Variants in TBC1D32 observed in about 807,000 individuals in gnomAD.
TBC1D32 encodes TBC1 domain family member 32.
A neutral mutation model predicts 170.3 loss-of-function variants in TBC1D32; 151 were observed. The ratio of observed to expected loss-of-function variants is 0.89; its 90% CI spans 0.78 to 1.01. The LOEUF (loss-of-function observed/expected upper bound fraction) is 1.01. Ranked by LOEUF, TBC1D32 falls within the 50% of genes least tolerant of loss-of-function variation. TBC1D32 has a pLI of 0.00. For missense variants in TBC1D32, 1,464 were observed against 1,457.1 expected (o/e 1.00, Z -0.08); for synonymous variants, 498 against 488.0 (o/e 1.02, Z -0.27).
chr6:121,153,260 C>T (rs58331411), intron 24 of TBC1D32, among the ~76,000 whole-genome samples: 1,890 of 152,280 alleles, frequency 0.012, 37 homozygotes, highest in African/African-American at 0.043. Context: ...CTCTTCTGCA[C>T]ATCTGCTGGA....
chr6:121,134,163 G>T (rs1781754445), intron 24 of TBC1D32, among the ~76,000 whole-genome samples: 1 of 152,040 alleles, frequency 6.6e-6, no homozygotes, highest in African/African-American at 2.4e-5. Flanking sequence ...TGATTGCAAA[G>T]ATAATGCAGT....
Position 121,131,627 on chromosome 6 carries a change from C to T in TBC1D32, c.2899G>A (p.Ala967Thr), listed in dbSNP as rs757613099. 7 of 1,608,806 alleles carry T rather than the reference C, an allele frequency of 4.4e-6. No individual in the cohort carries two copies. Among genetic ancestry groups the T allele is most frequent in the Non-Finnish European group, 5.1e-6 (6 of 1,177,368 alleles). Residue 967 changes from alanine (A) to threonine (T), a missense_variant and splice_region_variant, in exon 25 of 32, where the codon GCC (alanine) becomes ACC (threonine). By Grantham distance (58) the Ala-to-Thr change is moderately conservative (BLOSUM62 0). Coordinates refer to ENST00000398212, the MANE Select transcript of TBC1D32 (RefSeq NM_152730.6). ...KAKPDIISGE[A>T]LIELLEKFVL... is the part of the protein sequence containing the mutation. ...CCCACAATGGAAACAATGTACTTAC[C>T]CTCTCCACTGATTATATCAGGTTTG...
intron 15 of TBC1D32, among the ~76,000 whole-genome samples, chr6:121,261,452 T>A (rs963667821): frequency 4.6e-5 from 7 of 152,134 alleles, no homozygotes; most frequent in African/African-American, 1.7e-4. Context: ...TCCAGCCTCC[T>A]CAGGTGACAT....
At chr6:121,186,107 G>C (rs1789175953) in intron 22 of TBC1D32, among the ~76,000 whole-genome samples, 1 of 152,142 alleles carries the variant, frequency 6.6e-6, no homozygotes, top group South Asian at 2.1e-4. Flanking sequence ...TGATGGTTTA[G>C]AGATCTTATT....
intron 15 of TBC1D32, among the ~76,000 whole-genome samples, chr6:121,263,985 A>G (rs1304421783): frequency 2.0e-5 from 3 of 152,168 alleles, no homozygotes; most frequent in Non-Finnish European, 2.9e-5. Flanking sequence ...TCAGGAAGCT[A>G]GAAAGATCTC....
intron 31 of TBC1D32, among the ~76,000 whole-genome samples, chr6:121,084,896 T>A (rs1349784035): frequency 6.6e-6 from 1 of 152,046 alleles, no homozygotes; most frequent in Admixed American, 6.6e-5. Flanking sequence ...ATTAATGCCC[T>A]TGCAAAATGA....
chr6:121,253,588 G>A (rs1244885959), intron 17 of TBC1D32, among the ~76,000 whole-genome samples: 1 of 152,036 alleles, frequency 6.6e-6, no homozygotes, highest in African/African-American at 2.4e-5. Flanking sequence ...GCGTGGTGGT[G>A]GGCGCCTGTA....
chr6:121,281,311 A>T (rs1240945725), intron 14 of TBC1D32, among the ~76,000 whole-genome samples: 1 of 145,186 alleles, frequency 6.9e-6, no homozygotes, highest in Non-Finnish European at 1.5e-5. Flanking sequence ...GATCTAGTCC[A>T]ATTAAAAAAA....
intron 20 of TBC1D32, among the ~76,000 whole-genome samples, chr6:121,223,921 G>C (rs962343812): frequency 5.3e-5 from 8 of 152,026 alleles, no homozygotes; most frequent in South Asian, 4.1e-4. Flanking sequence ...CACTCTCATT[G>C]CATCTTATTA....
intron 24 of TBC1D32, among the ~76,000 whole-genome samples, chr6:121,134,168 T>C (rs1195649969): frequency 4.6e-5 from 7 of 152,100 alleles, no homozygotes; most frequent in Admixed American, 4.6e-4. Context: ...GCAAAGATAA[T>C]GCAGTTTTTT....
intron 22 of TBC1D32, among the ~76,000 whole-genome samples, chr6:121,169,926 T>C (rs1786716736): frequency 6.6e-6 from 1 of 152,116 alleles, no homozygotes; most frequent in Non-Finnish European, 1.5e-5. Flanking sequence ...ATTTTGGAAA[T>C]AATCAGAATT....
chr6:121,296,204 A>G (rs949999037), intron 10 of TBC1D32, among the ~76,000 whole-genome samples: 3 of 152,138 alleles, frequency 2.0e-5, no homozygotes, highest in Non-Finnish European at 4.4e-5. Flanking sequence ...TTATACTTTC[A>G]TATCTTCCAT....
chr6:121,280,013 A>G (rs1802765064), intron 14 of TBC1D32, among the ~76,000 whole-genome samples: 1 of 152,064 alleles, frequency 6.6e-6, no homozygotes, highest in African/African-American at 2.4e-5. Flanking sequence ...ATTCTAATAA[A>G]TTTAGTGGGC....
chr6:121,131,717 T>A lies in TBC1D32; in HGVS notation c.2809A>T (p.Ile937Leu). The A allele has an allele frequency of 6.2e-7, 1 of 1,607,116 alleles. No individual in the cohort carries two copies. Among genetic ancestry groups the A allele is most frequent in the Non-Finnish European group, 8.5e-7 (1 of 1,175,394 alleles). The change falls in exon 25 of 32, where the codon ATA (isoleucine) becomes TTA (leucine). Residue 937 changes from isoleucine to leucine, a missense_variant. By Grantham distance (5) the Ile-to-Leu change is conservative (BLOSUM62 2). Coordinates refer to ENST00000398212, the MANE Select transcript of TBC1D32 (RefSeq NM_152730.6). The stretch of plus-strand genomic sequence containing the variant: ...ATCCATTCAGTTTGTTTATCAGATA[T>A]TTTGAGGCATAATAAAAGCTTGTCA... ...DLDKLLLCLKISDKQTEWIEN... is the reference protein window; with the variant it reads ...DLDKLLLCLKLSDKQTEWIEN...
chr6:121,193,004 A>C (rs1174413588), intron 22 of TBC1D32, among the ~76,000 whole-genome samples: 1 of 152,192 alleles, frequency 6.6e-6, no homozygotes, highest in African/African-American at 2.4e-5. Flanking sequence ...TCTAGAGGTG[A>C]GATTGAGATT....
In TBC1D32 at chr6:121,126,319, CATTA is replaced by C. The variant is rs1367238349; in HGVS notation, c.2983+55_2983+58del. The C allele has an allele frequency of 3.2e-6, 4 of 1,257,298 alleles. No individual in the cohort carries two copies. The African/African-American group carries it at 6.0e-5, about 19-fold the overall frequency. The allele number at this position is 1,257,298 out of a possible 1,614,324, so 77.9% of individuals were successfully genotyped here. A position where few individuals can be genotyped will look rare whatever the true frequency, so the allele number is the denominator to read the frequency against. ...TATCTGTAATATCATTACACATCTC[CATTA>C]ATTATCTAGTTACATACTGAGTCTT... On this transcript the variant is annotated intron_variant, in intron 26 of 31. Transcript: ENST00000398212.
At chr6:121,294,995 C>T (rs949276672) in intron 10 of TBC1D32, among the ~76,000 whole-genome samples, 6 of 152,062 alleles carry the variant, frequency 3.9e-5, no homozygotes, top group Admixed American at 1.3e-4. Flanking sequence ...CTATCTTGTC[C>T]AGTTCCTTTG....
chr6:121,091,058 T>C lies in TBC1D32; in HGVS notation c.3466-17A>G, dbSNP rs772313204. 1.4e-6 allele frequency: 2 copies of C among 1,397,554 alleles called. No individual in the cohort carries two copies. The allele number at this position is 1,397,554 out of a possible 1,614,324, so 86.6% of individuals were successfully genotyped here. A position where few individuals can be genotyped will look rare whatever the true frequency, so the allele number is the denominator to read the frequency against. On this transcript the variant is annotated splice_polypyrimidine_tract_variant and intron_variant, in intron 30 of 31. Transcript: ENST00000398212. ...CAGGCAAATCTTTAAAAAAAAAAAG[T>C]AGTAAGTTCATTAAAAAATTTATAA...
chr6:121,113,842 C>T (rs1779435676), intron 27 of TBC1D32, among the ~76,000 whole-genome samples: 1 of 152,104 alleles, frequency 6.6e-6, no homozygotes, highest in East Asian at 1.9e-4. Context: ...TACTTCTGTA[C>T]TTTTGAAACC....
Sources: gnomAD v4.1 joint callset for allele counts (sites outside exome capture counted in the v4.1 genomes callset) on GRCh38, gnomAD v4.1.1 for gene constraint, MANE v1.5 for transcripts, NCBI Gene and HGNC (gene_info 2026-07-23, HGNC 2026-07-21) for gene names.